The following PACSIN3 variants were observed in gnomAD, a reference collection of about 807,000 sequenced individuals.
The protein encoded by PACSIN3 is protein kinase C and casein kinase substrate in neurons 3.
A neutral mutation model predicts 56.1 loss-of-function variants in PACSIN3; 34 were observed. The ratio of observed to expected loss-of-function variants is 0.61; its 90% confidence interval spans 0.46 to 0.81. The LOEUF (loss-of-function observed/expected upper bound fraction) is 0.81, where lower values mean the gene tolerates loss of function less well. PACSIN3 is among the 30% of genes least tolerant of loss of function. The pLI is 0.00. For synonymous variants in PACSIN3, 218 were observed against 229.8 expected, an observed-to-expected ratio of 0.95 and a Z score of 0.46; for missense variants, 535 against 592.4, an observed-to-expected ratio of 0.90 and a Z score of 1.01.
rs748818983 is a variant in PACSIN3, at chr11:47,179,078, C to A, written c.901-48G>T. On this transcript the variant is annotated intron_variant, in intron 8 of 10. Coordinates refer to ENST00000298838, the MANE Select transcript of PACSIN3 (RefSeq NM_016223.5). This position sits in a 1 kb window ranked among gnomAD's most constrained non-coding sequence, Gnocchi z 4.4. Reference sequence around the variant, plus strand: ...CAGGTGGGGCCATCTGAACCACCTTCACTTACTTCATCCCTAGCCCTGGCC... The same window carrying A: ...CAGGTGGGGCCATCTGAACCACCTTAACTTACTTCATCCCTAGCCCTGGCC... 1.9e-6 allele frequency: 3 copies of A among 1,613,910 alleles called. No individual in the cohort carries two copies. The highest frequency in any genetic ancestry group is 2.5e-6 in the Non-Finnish European group (3 of 1,179,990).
intron 4 of PACSIN3, among the ~76,000 whole-genome samples, chr11:47,181,351 G>A (rs1453529363): frequency 6.6e-6 from 1 of 152,208 alleles, no homozygotes; most frequent in Non-Finnish European, 1.5e-5. Context: ...AAGAGCCTGT[G>A]TGTGCCCTCG....
intron 4 of PACSIN3, among the ~76,000 whole-genome samples, chr11:47,181,783 G>A (rs1590973989): frequency 6.6e-6 from 1 of 152,152 alleles, no homozygotes; most frequent in Non-Finnish European, 1.5e-5. Context: ...AGAGGTTGCA[G>A]TGATCCATGA....
Position 47,182,723 on chromosome 11 carries a change from G to T in PACSIN3, c.5C>A (p.Ala2Asp). MAPEEDAGGEAL... is the reference protein window; with the variant it reads MDPEEDAGGEAL... Reference sequence around the variant, plus strand: ...CTCCCCTCCAGCGTCCTCTTCTGGAGCCATGGTGTCCCCGCAGCACGGAAT... The same window carrying T: ...CTCCCCTCCAGCGTCCTCTTCTGGATCCATGGTGTCCCCGCAGCACGGAAT... Residue 2 changes from alanine to aspartate, a missense_variant, in exon 3 of 11, where the codon GCT becomes GAT. Coordinates refer to ENST00000298838, the MANE Select transcript of PACSIN3 (RefSeq NM_016223.5). The T allele has an allele frequency of 6.2e-7, 1 of 1,612,434 alleles. No homozygotes were observed. Among genetic ancestry groups the T allele is most frequent in the South Asian group, 1.1e-5 (1 of 90,768 alleles).
At chr11:47,182,609 G>T (rs1953049196) in intron 3 of PACSIN3, 50 bp from the exon 4 acceptor site, 2 of 1,604,282 alleles carry the variant, frequency 1.2e-6, no homozygotes, top group Non-Finnish European at 1.7e-6. Context: ...CTTCCTTTGG[G>T]GCTGGGGCTG....
intron 1 of PACSIN3, among the ~76,000 whole-genome samples, chr11:47,183,977 A>G (rs901379258): frequency 2.0e-5 from 3 of 151,700 alleles, no homozygotes; most frequent in African/African-American, 7.3e-5. Flanking sequence ...GTGAGCAGAG[A>G]TTATACCACC....
In PACSIN3 at chr11:47,180,283, G is replaced by A. The variant is rs140112973; in HGVS notation, c.506C>T (p.Thr169Met). Residue 169 changes from threonine to methionine, a missense_variant, in exon 6 of 11, where the codon ACG becomes ATG. By Grantham distance (81) the Thr-to-Met change is moderately conservative (BLOSUM62 -1). Transcript: ENST00000298838. ...AARKDEKTAQ[T>M]RESHAKADSA... The stretch of plus-strand genomic sequence containing the variant: ...GTCTGCCTTTGCGTGGCTCTCCCTC[G>A]TCTGGGCGGTCTTCTCATCCTTCCG... 2.8e-5 allele frequency: 45 copies of A among 1,603,076 alleles called. No homozygotes were observed. Among genetic ancestry groups the A allele is most frequent in the Middle Eastern group, 1.6e-4 (1 of 6,084 alleles).
rs1180357950 is a variant in PACSIN3 at position 47,186,317 on chromosome 11, G to T, written c.-104+32C>A. On this transcript the variant is annotated intron_variant, in intron 1 of 10. Transcript: ENST00000298838. This position sits in a 1 kb window ranked among gnomAD's most constrained non-coding sequence, Gnocchi z 4.5. ...GGCTCGAGCCACCGCACCCGCCGCC[G>T]CCTACCCGCGCGTCCCCTCCAGGGC... is the stretch of plus-strand genomic sequence containing the variant. The T allele has an allele frequency of 2.6e-5, 4 of 151,928 alleles. No homozygotes were observed. Among genetic ancestry groups the T allele is most frequent in the African/African-American group, 9.7e-5 (4 of 41,308 alleles). The allele number at this position is 151,928 out of a possible 1,614,324, so 9.4% of individuals were successfully genotyped here.
At chr11:47,183,211 G>A (rs1426550417) in intron 1 of PACSIN3, 142 bp from the exon 2 acceptor site, 1 of 152,712 alleles carries the variant, frequency 6.5e-6, no homozygotes, top group Non-Finnish European at 1.5e-5. Context: ...ATCCAGCCAG[G>A]GATTAAATGG....
intron 5 of PACSIN3, 47 bp from the exon 6 acceptor site, chr11:47,180,388 C>A: frequency 6.3e-7 from 1 of 1,598,120 alleles, no homozygotes; most frequent in Non-Finnish European, 8.5e-7. Context: ...CACACCTTGG[C>A]CCCCTCGATC....
rs374357570 is a variant in PACSIN3 at position 47,182,772 on chromosome 11, G to T, written c.-37-8C>A. 3.7e-5 allele frequency: 59 copies of T among 1,573,518 alleles called. No individual in the cohort carries two copies. The highest frequency in any genetic ancestry group is 8.6e-6 in the Non-Finnish European group (10 of 1,159,066). On this transcript the variant is annotated splice_polypyrimidine_tract_variant and splice_region_variant and intron_variant, in intron 2 of 10. Transcript: ENST00000298838. ...ATGGTGGCGGATTTGGGGCTGTGGA[G>T]GGCAGAGGGGTAAGCAGGAAAGCTG...
Position 47,180,316 on chromosome 11 carries a change from T to A in PACSIN3, c.473A>T (p.His158Leu). The A allele has an allele frequency of 6.2e-7, 1 of 1,602,280 alleles. No individual in the cohort carries two copies. Residue 158 changes from histidine (H) to leucine (L), a missense_variant, in exon 6 of 11, where the codon CAC becomes CTC. His to Leu is a moderately conservative substitution (Grantham distance 99). Transcript: ENST00000298838. ...GGTCTTCTCATCCTTCCGGGCTGCGTGGTAGCTTTTCTTGGAAGCCTCAAC... is the reference window on the plus strand; with the variant it reads ...GGTCTTCTCATCCTTCCGGGCTGCGAGGTAGCTTTTCTTGGAAGCCTCAAC... ...KEVEASKKSYHAARKDEKTAQ... is the reference protein window; with the variant it reads ...KEVEASKKSYLAARKDEKTAQ...
chr11:47,185,463 GGA>G (rs1953102996), intron 1 of PACSIN3: 1 of 152,526 alleles, frequency 6.6e-6, no homozygotes, highest in South Asian at 2.1e-4. Flanking sequence ...AGAGCGGGGG[GGA>G]GGGGAGGGGG....
At chr11:47,181,687 G>A (rs750517480) in intron 4 of PACSIN3, among the ~76,000 whole-genome samples, 5 of 152,176 alleles carry the variant, frequency 3.3e-5, no homozygotes. Flanking sequence ...AGCCAAGTGT[G>A]GTGGTCCATG....
chr11:47,182,893 C>CCTG, intron 2 of PACSIN3, 111 bp downstream of exon 2: 1 of 644,488 alleles, frequency 1.6e-6, no homozygotes, highest in South Asian at 2.3e-5. Flanking sequence ...AGAGCTAGGA[C>CCTG]TTAGCAGGCA....
At position 47,179,519 on chromosome 11, in the gene PACSIN3, A is replaced by G. The variant is rs1477671448; in HGVS notation, c.671T>C (p.Met224Thr). ...HRYTPRYMED[M>T]EQAFETCQAA... is the part of the protein sequence containing the mutation. ...CTGGCAGGTCTCAAAGGCCTGTTCC[A>G]TGTCCTCCATGTAGCGTGGAGTGTA... Residue 224 changes from methionine to threonine, a missense_variant, in exon 7 of 11, where the codon ATG (methionine) becomes ACG (threonine). Transcript: ENST00000298838. This position sits in a 1 kb window ranked among gnomAD's most constrained non-coding sequence, Gnocchi z 4.4. The G allele has an allele frequency of 2.5e-6, 4 of 1,613,824 alleles. No individual in the cohort carries two copies. Among genetic ancestry groups the G allele is most frequent in the East Asian group, 2.2e-5 (1 of 44,904 alleles).
At chr11:47,185,756 C>T (rs1953108821) in intron 1 of PACSIN3, 1 of 152,536 alleles carries the variant, frequency 6.6e-6, no homozygotes, top group African/African-American at 2.4e-5. Context: ...GACCGCGCCC[C>T]TCGACAGGAC....
intron 1 of PACSIN3, among the ~76,000 whole-genome samples, chr11:47,184,994 C>A (rs1953092748): frequency 6.6e-6 from 1 of 152,202 alleles, no homozygotes; most frequent in African/African-American, 2.4e-5. Flanking sequence ...GGCCCCACAG[C>A]CCCAGCCTGA....
In PACSIN3 at chr11:47,178,763, A is replaced by T; in HGVS notation, c.1037+131T>A. The T allele has an allele frequency of 9.8e-7, 1 of 1,024,532 alleles. No individual in the cohort carries two copies. Among genetic ancestry groups the T allele is most frequent in the Non-Finnish European group, 1.4e-6 (1 of 703,034 alleles). The allele number at this position is 1,024,532 out of a possible 1,614,324, so 63.5% of individuals were successfully genotyped here. On this transcript the variant is annotated intron_variant, in intron 9 of 10. Transcript: ENST00000298838. The surrounding 1 kb of genome is among the most constrained non-coding windows in gnomAD (Gnocchi z 4.2). ...AGAACCAGTATCATTACAACTACTA[A>T]GTAGGCCCTCAGGTCCCTGGCACCA... is the stretch of plus-strand genomic sequence containing the variant.
Position 47,180,348 on chromosome 11 carries a change from T to C in PACSIN3, c.448-7A>G. ...TTTTCTTGGAAGCCTCAACCTGGCA[T>C]GCATGGAGACCACTCTGGACCCTGG... On this transcript the variant is annotated splice_polypyrimidine_tract_variant and splice_region_variant and intron_variant, in intron 5 of 10. Coordinates refer to ENST00000298838, the MANE Select transcript of PACSIN3 (RefSeq NM_016223.5). The C allele has an allele frequency of 6.2e-7, 1 of 1,601,672 alleles. No individual in the cohort carries two copies. Among genetic ancestry groups the C allele is most frequent in the Non-Finnish European group, 8.5e-7 (1 of 1,179,970 alleles).
Sources: gnomAD v4.1 joint callset for allele counts (sites outside exome capture counted in the v4.1 genomes callset) on GRCh38, gnomAD v4.1.1 for gene constraint, Gnocchi (gnomAD v3.1) non-coding constraint, MANE v1.5 for transcripts, NCBI Gene and HGNC (gene_info 2026-07-23, HGNC 2026-07-21) for gene names.